The following LINGO2 variants were observed in gnomAD, a reference collection of about 807,000 sequenced individuals.
LINGO2 encodes the protein leucine-rich repeat and immunoglobulin-like domain-containing nogo receptor-interacting protein 2.
Under a neutral mutation model 30.6 loss-of-function variants are expected in LINGO2, and 14 were observed. The observed-to-expected ratio is 0.46, with a 90% CI of 0.30 to 0.72. LINGO2 has a LOEUF of 0.72. Ranked by LOEUF, LINGO2 falls within the 30% of genes least tolerant of loss-of-function variation. The pLI is 0.07. For synonymous variants in LINGO2, 317 were observed against 288.5 expected (o/e 1.10, Z -1.00); for missense variants, 729 against 751.7 (o/e 0.97, Z 0.35).
At chr9:28,553,422 A>T (rs570365106) in intron 1 of LINGO2, among the ~76,000 whole-genome samples, 1 of 152,104 alleles carries the variant, frequency 6.6e-6, no homozygotes, top group Non-Finnish European at 1.5e-5. Flanking sequence ...AATGAATGAA[A>T]TGAAGTGAGA....
At chr9:28,739,254 T>C in the LINGO2 span, among the ~76,000 whole-genome samples, 1 of 151,968 alleles carries the variant, frequency 6.6e-6, no homozygotes, top group African/African-American at 2.4e-5. Context: ...ATCTAAACCA[T>C]TATTATTGAC....
chr9:27,968,807 A>C (rs1364208598), intron 5 of LINGO2, among the ~76,000 whole-genome samples: 1 of 151,796 alleles, frequency 6.6e-6, no homozygotes, highest in Non-Finnish European at 1.5e-5. Context: ...CCTTTTCTTT[A>C]CTACTTCTAT....
At chr9:28,877,065 G>A in the LINGO2 span, among the ~76,000 whole-genome samples, 1 of 149,736 alleles carries the variant, frequency 6.7e-6, no homozygotes, top group Admixed American at 6.6e-5. Flanking sequence ...AAAAGTGTCT[G>A]TTCATGTCCT....
chr9:28,370,340 C>T (rs1003326721), intron 3 of LINGO2, among the ~76,000 whole-genome samples: 12 of 152,054 alleles, frequency 7.9e-5, no homozygotes, highest in Admixed American at 1.3e-4. Flanking sequence ...ACACACATTC[C>T]AAAATATACA....
the LINGO2 span, among the ~76,000 whole-genome samples, chr9:28,967,260 C>T: frequency 6.6e-6 from 1 of 152,018 alleles, no homozygotes. Flanking sequence ...TAACACAGTT[C>T]CCAAATAATT....
chr9:29,032,263 T>C, the LINGO2 span, among the ~76,000 whole-genome samples: 1 of 152,156 alleles, frequency 6.6e-6, no homozygotes, highest in Non-Finnish European at 1.5e-5. Flanking sequence ...GTGTTTATTT[T>C]TAAGGTGATA....
At chr9:28,782,412 C>G in the LINGO2 span, among the ~76,000 whole-genome samples, 1 of 152,090 alleles carries the variant, frequency 6.6e-6, no homozygotes, top group African/African-American at 2.4e-5. Context: ...GTGTTATGTG[C>G]TGAGGATGCA....
chr9:28,583,216 TG>T (rs1349818442), intron 1 of LINGO2, among the ~76,000 whole-genome samples: 1 of 151,990 alleles, frequency 6.6e-6, no homozygotes, highest in Non-Finnish European at 1.5e-5. Context: ...CAGCAGAAGT[TG>T]TAATGGCTGT....
Position 28,329,548 on chromosome 9 carries a change from G to T in LINGO2, c.-245-34182C>A, listed in dbSNP as rs944927906. The stretch of plus-strand genomic sequence containing the variant: ...TGGTACAACATGCATGTTCAGACTT[G>T]TTTGAGCCAGGGCTTCGGTTCAAGC... On this transcript the variant is annotated intron_variant, in intron 3 of 5. Coordinates refer to ENST00000379992, the Ensembl canonical transcript of LINGO2. The surrounding 1 kb of genome is among the most constrained non-coding windows in gnomAD (Gnocchi z 4.5). 2.0e-5 allele frequency among the ~76,000 whole-genome samples: 3 copies of T among 152,084 alleles called. No individual in the cohort carries two copies. The highest frequency in any genetic ancestry group is 2.9e-5 in the Non-Finnish European group (2 of 68,030).
At chr9:28,153,357 A>T (rs1828049649) in intron 4 of LINGO2, among the ~76,000 whole-genome samples, 1 of 152,154 alleles carries the variant, frequency 6.6e-6, no homozygotes, top group Non-Finnish European at 1.5e-5. Context: ...CTGAATGTGT[A>T]TATATGGAGA....
At chr9:28,897,234 T>C in the LINGO2 span, among the ~76,000 whole-genome samples, 1 of 152,178 alleles carries the variant, frequency 6.6e-6, no homozygotes, top group South Asian at 2.1e-4. Flanking sequence ...ATAGTTTATG[T>C]TAGCACACAG....
intron 2 of LINGO2, among the ~76,000 whole-genome samples, chr9:28,463,443 T>C (rs1825165715): frequency 6.6e-6 from 1 of 152,080 alleles, no homozygotes; most frequent in Admixed American, 6.5e-5. Context: ...TGTTCACCTG[T>C]CTTCCAATTT....
chr9:28,041,205 T>A (rs1412967469), intron 4 of LINGO2, among the ~76,000 whole-genome samples: 1 of 152,150 alleles, frequency 6.6e-6, no homozygotes, highest in East Asian at 1.9e-4. Flanking sequence ...CCTCATAAAC[T>A]GTTTTCTCAG....
At chr9:28,881,955 G>A in the LINGO2 span, among the ~76,000 whole-genome samples, 3 of 152,106 alleles carry the variant, frequency 2.0e-5, no homozygotes, top group Non-Finnish European at 2.9e-5. Flanking sequence ...CATTTTCAGT[G>A]GGTTTTGAGG....
the LINGO2 span, among the ~76,000 whole-genome samples, chr9:28,956,439 G>A: frequency 2.6e-5 from 4 of 152,122 alleles, no homozygotes; most frequent in East Asian, 7.7e-4. Context: ...TTGTCTTGAA[G>A]TGGCACTGTT....
At chr9:29,154,922 G>A in the LINGO2 span, among the ~76,000 whole-genome samples, 1 of 152,102 alleles carries the variant, frequency 6.6e-6, no homozygotes, top group East Asian at 1.9e-4. Context: ...AGACTCTACA[G>A]TCCCACTGAC....
intron 5 of LINGO2, among the ~76,000 whole-genome samples, chr9:27,982,148 T>C (rs1043418602): frequency 6.6e-6 from 1 of 151,808 alleles, no homozygotes; most frequent in African/African-American, 2.4e-5. Flanking sequence ...TATAGGGATT[T>C]TATCTGAGCA....
At chr9:27,991,063 G>T (rs1419060917) in intron 5 of LINGO2, among the ~76,000 whole-genome samples, 1 of 151,510 alleles carries the variant, frequency 6.6e-6, no homozygotes, top group Non-Finnish European at 1.5e-5. Context: ...ATACCGAAAA[G>T]CCAACAAAAA....
the LINGO2 span, among the ~76,000 whole-genome samples, chr9:28,947,176 C>T: frequency 6.6e-6 from 1 of 151,640 alleles, no homozygotes; most frequent in African/African-American, 2.4e-5. Flanking sequence ...TCTGTATCTA[C>T]ATCTATATAG....
Sources: gnomAD v4.1 joint callset for allele counts (sites outside exome capture counted in the v4.1 genomes callset) on GRCh38, gnomAD v4.1.1 for gene constraint, Gnocchi (gnomAD v3.1) non-coding constraint, MANE v1.5 for transcripts, NCBI Gene and HGNC (gene_info 2026-07-23, HGNC 2026-07-21) for gene names.